The following GREB1 variants were observed in gnomAD, a reference collection of about 807,000 sequenced individuals.
GREB1 encodes protein GREB1.
A neutral mutation model predicts 200.7 loss-of-function variants in GREB1; 106 were observed. The ratio of observed to expected loss-of-function variants is 0.53; its 90% CI spans 0.45 to 0.62. The LOEUF (loss-of-function observed/expected upper bound fraction) is 0.62. Among genes scored for constraint, GREB1 ranks in the 20% least tolerant of loss-of-function variants. GREB1 has a pLI of 0.00. For synonymous variants in GREB1, 1,132 were observed against 1,092.4 expected (o/e 1.04, Z -0.72); for missense variants, 2,243 against 2,556.8 (o/e 0.88, Z 2.65).
intron 1 of GREB1, among the ~76,000 whole-genome samples, chr2:11,526,507 T>G (rs191713458): frequency 1.6e-4 from 25 of 152,170 alleles, no homozygotes; most frequent in African/African-American, 5.1e-4. Context: ...CTATAGCTAC[T>G]CATGCCTTCT....
At chr2:11,576,830 G>A (rs1678910889) in intron 5 of GREB1, among the ~76,000 whole-genome samples, 1 of 152,090 alleles carries the variant, frequency 6.6e-6, no homozygotes, top group South Asian at 2.1e-4. Context: ...GAGGTCAGGA[G>A]TTCAAGACCA....
chr2:11,538,645 CTT>C (rs1674425043), intron 1 of GREB1, among the ~76,000 whole-genome samples: 2 of 28,602 alleles, frequency 7.0e-5, no homozygotes, highest in African/African-American at 1.4e-4. Context: ...TTCTTTCTTT[CTT>C]TCTTTCTTTC....
At chr2:11,583,981 G>A (rs1679792572) in intron 7 of GREB1, among the ~76,000 whole-genome samples, 1 of 152,126 alleles carries the variant, frequency 6.6e-6, no homozygotes, top group Non-Finnish European at 1.5e-5. Flanking sequence ...GGCCCATGGG[G>A]GTTCTGTGCA....
At chr2:11,631,547 C>T (rs1684877019) in intron 26 of GREB1, among the ~76,000 whole-genome samples, 1 of 152,184 alleles carries the variant, frequency 6.6e-6, no homozygotes, top group Non-Finnish European at 1.5e-5. Flanking sequence ...CTCTGTTGTG[C>T]TCACTCACTC....
chr2:11,587,741 A>ACGCG lies in GREB1; in HGVS notation c.1160-1002_1160-1001insGCGC, dbSNP rs1553366381. On this transcript the variant is annotated intron_variant, in intron 9 of 32. Transcript: ENST00000381486. ...CACACACACACACACACACACACACACGCCACCTTTGGGAGCTCAGCAGCC... is the reference window on the plus strand; with the variant it reads ...CACACACACACACACACACACACACACGCGCGCCACCTTTGGGAGCTCAGCAGCC... 82 of 788,402 alleles carry ACGCG rather than the reference A, an allele frequency of 1.0e-4. 4 individuals carry two copies. The East Asian group carries it at 4.2e-3, about 40-fold the overall frequency. 48.8% of individuals were successfully genotyped at this position (788,402 alleles called of 1,614,324 possible).
At chr2:11,485,259 T>TTATTTTATTTTATTTTATA (rs1368326346) in intron 1 of GREB1, among the ~76,000 whole-genome samples, 2 of 124,196 alleles carry the variant, frequency 1.6e-5, no homozygotes, top group African/African-American at 6.5e-5. Context: ...TTATTTTATT[T>TTATTTTATTTTATTTTATA]TATATATATA....
intron 1 of GREB1, among the ~76,000 whole-genome samples, chr2:11,486,997 T>A (rs890203382): frequency 6.6e-6 from 1 of 152,232 alleles, no homozygotes; most frequent in African/African-American, 2.4e-5. Context: ...TTAGTTAAAA[T>A]TATATTAGAT....
At chr2:11,635,177 T>G (rs1313595932) in intron 29 of GREB1, 93 bp from the exon 30 acceptor site, 1 of 1,485,678 alleles carries the variant, frequency 6.7e-7, no homozygotes, top group Non-Finnish European at 9.2e-7. Context: ...CATAGCCCCC[T>G]ACGATGGGGA....
intron 11 of GREB1, among the ~76,000 whole-genome samples, chr2:11,593,999 A>G (rs79952602): frequency 0.021 from 3,167 of 152,284 alleles, 109 homozygotes; most frequent in African/African-American, 0.071. Flanking sequence ...TTAAAAGTGC[A>G]GAATTTAATG....
Position 11,505,959 on chromosome 2 carries a change from G to A in GREB1, c.-159+23578G>A, listed in dbSNP as rs554625373. 4.7e-4 allele frequency among the ~76,000 whole-genome samples: 71 copies of A among 152,262 alleles called. No homozygotes were observed. The South Asian group carries it at 0.015, about 31-fold the overall frequency. On this transcript the variant is annotated intron_variant, in intron 1 of 2. Transcript: ENST00000628795. ...AGGAAAAAGGATAATGTTTAACATC[G>A]GCGAACTCTCAGTTGTGATGCAGGG...
At chr2:11,504,564 C>T (rs758951953) in intron 1 of GREB1, among the ~76,000 whole-genome samples, 2 of 152,182 alleles carry the variant, frequency 1.3e-5, no homozygotes, top group Middle Eastern at 3.2e-3. Flanking sequence ...TTGGAAACCA[C>T]GAATCTACTT....
chr2:11,495,803 T>G (rs945319066), intron 1 of GREB1, among the ~76,000 whole-genome samples: 3 of 151,616 alleles, frequency 2.0e-5, no homozygotes, highest in Non-Finnish European at 4.4e-5. Context: ...CCCGTTTTTT[T>G]TTTTTTTTTT....
chr2:11,551,646 C>T (rs556611342), intron 1 of GREB1, among the ~76,000 whole-genome samples: 1 of 152,250 alleles, frequency 6.6e-6, no homozygotes, highest in Non-Finnish European at 1.5e-5. Flanking sequence ...CGTGCCTTTG[C>T]ACTCTCCTGT....
rs748925347 is a variant in GREB1 at position 11,640,448 on chromosome 2, C to T, written c.5844C>T (p.His1948=). The change falls in exon 33 of 33, where the codon CAC becomes CAT. Residue 1948 remains histidine (H), a synonymous_variant. Transcript: ENST00000381486. This position sits in a 1 kb window ranked among gnomAD's most constrained non-coding sequence, Gnocchi z 4.6. ...DRPLFFLTGR[H]I ...CGCTCTTTTTTCTGACGGGACGACA[C>T]ATCTGAGGAAGACAGCGGCGAGTTT... The T allele has an allele frequency of 6.2e-7, 1 of 1,614,110 alleles. No individual in the cohort carries two copies. Among genetic ancestry groups the T allele is most frequent in the South Asian group, 1.1e-5 (1 of 91,080 alleles).
At chr2:11,508,910 T>C (rs1239814083) in intron 1 of GREB1, among the ~76,000 whole-genome samples, 3 of 149,230 alleles carry the variant, frequency 2.0e-5, no homozygotes, top group East Asian at 3.9e-4. Context: ...AGTCTCGCTC[T>C]GTCGCCCAGG....
intron 1 of GREB1, among the ~76,000 whole-genome samples, chr2:11,554,121 A>G (rs961673303): frequency 2.6e-5 from 4 of 152,182 alleles, no homozygotes; most frequent in African/African-American, 9.7e-5. Flanking sequence ...GAAAAAAGGC[A>G]GACAAGAGGA....
chr2:11,503,493 G>T (rs1673101498), intron 1 of GREB1, among the ~76,000 whole-genome samples: 1 of 152,098 alleles, frequency 6.6e-6, no homozygotes, highest in Non-Finnish European at 1.5e-5. Flanking sequence ...TCATCCTTTT[G>T]TATCTCTTCG....
chr2:11,582,597 G>A (rs1020260479), intron 7 of GREB1, among the ~76,000 whole-genome samples: 22 of 152,340 alleles, frequency 1.4e-4, no homozygotes, highest in Non-Finnish European at 2.8e-4. Context: ...GCTCAGTCCC[G>A]CAGCCACATG....
intron 1 of GREB1, among the ~76,000 whole-genome samples, chr2:11,501,824 G>A (rs564545598): frequency 2.8e-5 from 4 of 145,180 alleles, no homozygotes; most frequent in African/African-American, 7.7e-5. Context: ...TTCAAGTATC[G>A]TACTCAGAGT....
Sources: gnomAD v4.1 joint callset for allele counts (sites outside exome capture counted in the v4.1 genomes callset) on GRCh38, gnomAD v4.1.1 for gene constraint, Gnocchi (gnomAD v3.1) non-coding constraint, MANE v1.5 for transcripts, NCBI Gene and HGNC (gene_info 2026-07-23, HGNC 2026-07-21) for gene names.